Variants in TMC4 observed in about 807,000 individuals in gnomAD.
TMC4 encodes transmembrane channel like 4.
Under a neutral mutation model 82.0 loss-of-function variants are expected in TMC4, and 70 were observed. The ratio of observed to expected loss-of-function variants is 0.85; its 90% CI spans 0.70 to 1.04. TMC4 has a LOEUF of 1.04. TMC4 is among the 50% of genes least tolerant of loss of function. TMC4 has a pLI of 0.00. For missense variants in TMC4, 879 were observed against 899.0 expected (o/e 0.98, Z 0.28); for synonymous variants, 446 against 406.0 (o/e 1.10, Z -1.18).
At position 54,163,759 on chromosome 19, in the gene TMC4, G is replaced by A; in HGVS notation, c.1242C>T (p.Tyr414=). Residue 414 remains tyrosine, a synonymous_variant, in exon 8 of 15, where the codon TAC becomes TAT. Coordinates refer to ENST00000619895, the MANE Select transcript of TMC4 (RefSeq NM_144686.4). The stretch of plus-strand genomic sequence containing the variant: ...TAAAAACGATCTGGCGACTCCGAGT[G>A]TAGCCCTCCAGTGGAGCAATGAGCT... ...VFKLIAPLEG[Y]TRSRQIVFIL... 1 of 1,614,046 alleles carries A rather than the reference G, an allele frequency of 6.2e-7. No individual in the cohort carries two copies. Among genetic ancestry groups the A allele is most frequent in the Non-Finnish European group, 8.5e-7 (1 of 1,180,032 alleles).
intron 5 of TMC4, among the ~76,000 whole-genome samples, chr19:54,166,601 C>T (rs2075711317): frequency 6.6e-6 from 1 of 152,174 alleles, no homozygotes; most frequent in Non-Finnish European, 1.5e-5. Flanking sequence ...TCTTTTGATG[C>T]AACTCAGACC....
chr19:54,163,077 C>G lies in TMC4; in HGVS notation c.1360G>C (p.Ala454Pro), dbSNP rs757491045. 1.2e-6 allele frequency: 2 copies of G among 1,614,104 alleles called. No homozygotes were observed. Among genetic ancestry groups the G allele is most frequent in the Non-Finnish European group, 1.7e-6 (2 of 1,180,028 alleles). The change falls in exon 9 of 15, where the codon GCT becomes CCT. Residue 454 changes from alanine to proline, a missense_variant. Coordinates refer to ENST00000619895, the MANE Select transcript of TMC4 (RefSeq NM_144686.4). The part of the protein sequence containing the change: ...NQITCGGDSE[A>P]EDCKTCGYNY... ...TAGCCACAGGTTTTGCAGTCCTCAG[C>G]CTCGGAGTCGCCCCCACAAGTGATC...
chr19:54,162,855 T>TA, intron 9 of TMC4, 85 bp from the exon 10 acceptor site: 1 of 1,505,880 alleles, frequency 6.6e-7, no homozygotes, highest in South Asian at 1.1e-5. Context: ...ATCGCAAGCC[T>TA]ATGAGACCCT....
At chr19:54,170,333 C>CAA (rs11365348) in intron 2 of TMC4, among the ~76,000 whole-genome samples, 10 of 117,550 alleles carry the variant, frequency 8.5e-5, no homozygotes, top group African/African-American at 2.4e-4. Flanking sequence ...AAGACTCTGT[C>CAA]AAAAAAAAAA....
intron 2 of TMC4, among the ~76,000 whole-genome samples, chr19:54,170,333 CAAA>C (rs11365348): frequency 4.0e-3 from 472 of 117,540 alleles, no homozygotes; most frequent in South Asian, 0.018. Context: ...AAGACTCTGT[CAAA>C]AAAAAAAAAA....
At position 54,171,891 on chromosome 19, in the gene TMC4, A is replaced by C. The variant is rs376272903; in HGVS notation, c.272T>G (p.Met91Arg). ...TCACCTGTGTGCCCGTCTGGCCTGC[A>C]TGGGCCAGGGCAGTTCCCGGGAAGG... ...PHPSRELPWP[M>R]QARRAHRQRN... Residue 91 changes from methionine to arginine, a missense_variant, in exon 2 of 15, where the codon ATG becomes AGG. Coordinates refer to ENST00000619895, the MANE Select transcript of TMC4 (RefSeq NM_144686.4). 32 of 1,609,012 alleles carry C rather than the reference A, an allele frequency of 2.0e-5. No homozygotes were observed. The highest frequency in any genetic ancestry group is 2.6e-5 in the Non-Finnish European group (31 of 1,177,302).
At chr19:54,170,934 G>T (rs1367862283) in intron 2 of TMC4, among the ~76,000 whole-genome samples, 1 of 151,942 alleles carries the variant, frequency 6.6e-6, no homozygotes, top group Non-Finnish European at 1.5e-5. Flanking sequence ...AAAAAATAGA[G>T]ATGGGGGTCT....
chr19:54,160,818 G>C, intron 13 of TMC4, 60 bp downstream of exon 13: 1 of 1,589,696 alleles, frequency 6.3e-7, no homozygotes, highest in African/African-American at 1.4e-5. Flanking sequence ...CTTGGACGCA[G>C]GTGGTGGCCC....
In TMC4 at chr19:54,169,012, T is replaced by TA. The variant is rs2075817340; in HGVS notation, c.443-333_443-332insT. On this transcript the variant is annotated intron_variant, in intron 3 of 14. Transcript: ENST00000619895. ...TCTCTCTCTATATATATATATATAT[T>TA]TTTTTTTTTTTCTTTTCTTTTCTTT... 4.4e-4 allele frequency among the ~76,000 whole-genome samples: 2 copies of TA among 4,498 alleles called. 1 individual carries two copies. Among genetic ancestry groups the TA allele is most frequent in the Non-Finnish European group, 9.2e-4 (2 of 2,176 alleles). 3.0% of individuals were successfully genotyped at this position (4,498 alleles called of 152,430 possible).
At chr19:54,169,154 C>G (rs1042445654) in intron 3 of TMC4, among the ~76,000 whole-genome samples, 11 of 149,304 alleles carry the variant, frequency 7.4e-5, no homozygotes, top group Non-Finnish European at 1.5e-4. Flanking sequence ...CTGTCTCAGC[C>G]TCACGAGTAG....
In TMC4 at chr19:54,163,960, CTCT is replaced by C. The variant is rs750800579; in HGVS notation, c.1114-76_1114-74del. The C allele has an allele frequency of 1.1e-3, 1,559 of 1,403,336 alleles. 5 individuals carry two copies. The highest frequency in any genetic ancestry group is 5.3e-3 in the East Asian group (225 of 42,472). 86.9% of individuals were successfully genotyped at this position (1,403,336 alleles called of 1,614,324 possible). A position where few individuals can be genotyped will look rare whatever the true frequency, so the allele number is the denominator to read the frequency against. ...CCAAGCTTAAGGTCCTCCCCCCGGC[CTCT>C]TCTTCTTCTTCTTCTTTTTTTTTTT... On this transcript the variant is annotated intron_variant, in intron 7 of 14. Coordinates refer to ENST00000619895, the MANE Select transcript of TMC4 (RefSeq NM_144686.4).
At chr19:54,164,631 T>TC (rs750924060) in intron 6 of TMC4, 30 bp from the exon 7 acceptor site, 2 of 1,609,556 alleles carry the variant, frequency 1.2e-6, no homozygotes, top group East Asian at 4.5e-5. Flanking sequence ...CCGCTTGGAC[T>TC]CCATTTCCCA....
At chr19:54,164,645 C>T in intron 6 of TMC4, 44 bp from the exon 7 acceptor site, 1 of 1,605,692 alleles carries the variant, frequency 6.2e-7, no homozygotes, top group East Asian at 2.2e-5. Context: ...TTTCCCAAGG[C>T]GCGGGCCTCC....
intron 10 of TMC4, among the ~76,000 whole-genome samples, 153 bp from the exon 11 acceptor site, chr19:54,162,438 T>A (rs1179956674): frequency 7.1e-6 from 1 of 140,716 alleles, no homozygotes; most frequent in Non-Finnish European, 1.5e-5. Flanking sequence ...AGGGGGTGTG[T>A]CCAGAGGGCG....
chr19:54,160,402 C>T lies in TMC4; in HGVS notation c.2053-28G>A, dbSNP rs199761037. On this transcript the variant is annotated intron_variant, in intron 14 of 14. Transcript: ENST00000619895. ...GGGGCAAAGAGAGGTGGAGGTGAGA[C>T]AATCCTCTTCCCCAACCCCTTTCCA... is the stretch of plus-strand genomic sequence containing the variant. 7.0e-6 allele frequency: 11 copies of T among 1,579,810 alleles called. No individual in the cohort carries two copies. The Admixed American group carries it at 9.1e-5, about 13-fold the overall frequency.
At chr19:54,162,307 G>A (rs2075577744) in intron 10 of TMC4, 22 bp from the exon 11 acceptor site, 1 of 1,483,560 alleles carries the variant, frequency 6.7e-7, no homozygotes, top group South Asian at 1.3e-5. Context: ...GGCGGGGCCG[G>A]GCCGGAGTCA....
At chr19:54,169,817 C>T (rs538511556) in intron 2 of TMC4, among the ~76,000 whole-genome samples, 157 bp from the exon 3 acceptor site, 2 of 152,084 alleles carry the variant, frequency 1.3e-5, no homozygotes, top group Admixed American at 6.5e-5. Context: ...CAGCTGGGTA[C>T]AGTGGCTCAG....
At chr19:54,169,422 T>A in intron 3 of TMC4, 90 bp downstream of exon 3, 7 of 1,398,602 alleles carry the variant, frequency 5.0e-6, no homozygotes, top group East Asian at 2.6e-5. Context: ...CCCTCCTCCC[T>A]CAAACCCAGG....
In TMC4 at chr19:54,171,908, C is replaced by T; in HGVS notation, c.255G>A (p.Arg85=). 1 of 1,612,474 alleles carries T rather than the reference C, an allele frequency of 6.2e-7. No individual in the cohort carries two copies. Among genetic ancestry groups the T allele is most frequent in the Non-Finnish European group, 8.5e-7 (1 of 1,179,136 alleles). ...QTELQDPHPS[R]ELPWPMQARR... ...TGGCCTGCATGGGCCAGGGCAGTTCCCGGGAAGGGTGAGGGTCCTGCAGCT... is the reference window on the plus strand; with the variant it reads ...TGGCCTGCATGGGCCAGGGCAGTTCTCGGGAAGGGTGAGGGTCCTGCAGCT... The change falls in exon 2 of 15, where the codon CGG becomes CGA. Residue 85 remains arginine (R), a synonymous_variant. Coordinates refer to ENST00000619895, the MANE Select transcript of TMC4 (RefSeq NM_144686.4).
Sources: gnomAD v4.1 joint callset for allele counts (sites outside exome capture counted in the v4.1 genomes callset) on GRCh38, gnomAD v4.1.1 for gene constraint, MANE v1.5 for transcripts, NCBI Gene and HGNC (gene_info 2026-07-23, HGNC 2026-07-21) for gene names.